ZBTB49: variants seen among roughly 807,000 people sequenced by gnomAD.
ZBTB49 encodes the protein zinc finger and BTB domain containing 49.
In ZBTB49, 43 loss-of-function variants were observed where a neutral mutation model predicts 57.5. That is an observed-to-expected ratio of 0.75 (90% CI 0.59 to 0.97). The LOEUF is 0.97. ZBTB49 is among the 50% of genes least tolerant of loss of function. The pLI, the probability that ZBTB49 is intolerant of heterozygous loss-of-function variation, is 0.00. For missense variants in ZBTB49, 938 were observed against 947.7 expected (o/e 0.99, Z 0.13); for synonymous variants, 369 against 362.1 (o/e 1.02, Z -0.22).
intron 7 of ZBTB49, 42 bp from the exon 8 acceptor site, chr4:4,320,598 G>C (rs767313199): frequency 1.2e-6 from 2 of 1,609,676 alleles, no homozygotes; most frequent in Admixed American, 3.4e-5. Flanking sequence ...CACATAGTGA[G>C]ACCCTGTTTA....
At chr4:4,303,760 C>CTCTCTCTCTCTCTCTCTCTGTGTGTG (rs1223289249) in intron 3 of ZBTB49, among the ~76,000 whole-genome samples, 33 of 121,410 alleles carry the variant, frequency 2.7e-4, no homozygotes, top group African/African-American at 1.0e-3. Context: ...CTCTCTCTCT[C>CTCTCTCTCTCTCTCTCTCTGTGTGTG]TGTGTGTGTG....
chr4:4,318,389 G>T (rs1173439448), intron 7 of ZBTB49, among the ~76,000 whole-genome samples: 8 of 152,218 alleles, frequency 5.3e-5, no homozygotes, highest in Non-Finnish European at 1.2e-4. Flanking sequence ...GCCGAGGCAG[G>T]TGGATCACTT....
At chr4:4,297,934 A>C (rs1397534043) in intron 1 of ZBTB49, among the ~76,000 whole-genome samples, 1 of 152,234 alleles carries the variant, frequency 6.6e-6, no homozygotes, top group Non-Finnish European at 1.5e-5. Context: ...GCCTGCTCAG[A>C]ATCACCGGAA....
intron 1 of ZBTB49, among the ~76,000 whole-genome samples, chr4:4,291,916 G>A (rs1295027194): frequency 6.6e-6 from 1 of 152,044 alleles, no homozygotes; most frequent in Non-Finnish European, 1.5e-5. Context: ...AGCTCCTGAG[G>A]TCAAGAGATA....
chr4:4,294,914 T>TGTGC (rs1373197134), intron 1 of ZBTB49, among the ~76,000 whole-genome samples: 44 of 147,280 alleles, frequency 3.0e-4, no homozygotes, highest in Non-Finnish European at 6.1e-4. Flanking sequence ...TGTGTGTGTG[T>TGTGC]GTTTAATGTC....
chr4:4,320,449 G>T (rs1721359575), intron 7 of ZBTB49, among the ~76,000 whole-genome samples, 191 bp from the exon 8 acceptor site: 1 of 152,134 alleles, frequency 6.6e-6, no homozygotes, highest in Admixed American at 6.5e-5. Flanking sequence ...TCCAGCCTGG[G>T]CATCATAGCA....
chr4:4,306,005 A>G, intron 3 of ZBTB49, 133 bp from the exon 4 acceptor site: 1 of 650,562 alleles, frequency 1.5e-6, no homozygotes, highest in Admixed American at 3.0e-5. Context: ...GGAAGTAGAC[A>G]CTCCCTATTT....
At chr4:4,295,265 A>G (rs938223329) in intron 1 of ZBTB49, among the ~76,000 whole-genome samples, 4 of 152,190 alleles carry the variant, frequency 2.6e-5, no homozygotes, top group Non-Finnish European at 5.9e-5. Context: ...AGGGGAAGCA[A>G]GGCACATCTT....
At chr4:4,309,488 A>G (rs927883546) in intron 4 of ZBTB49, among the ~76,000 whole-genome samples, 9 of 152,254 alleles carry the variant, frequency 5.9e-5, no homozygotes, top group Non-Finnish European at 1.2e-4. Context: ...GAAACGGGAA[A>G]GAAAATGCGG....
intron 1 of ZBTB49, among the ~76,000 whole-genome samples, chr4:4,297,455 A>G (rs2108870786): frequency 6.6e-6 from 1 of 152,204 alleles, no homozygotes; most frequent in Non-Finnish European, 1.5e-5. Context: ...GACACTGGGA[A>G]GATCACAGAG....
At chr4:4,294,700 C>T in intron 1 of ZBTB49, among the ~76,000 whole-genome samples, 1 of 152,092 alleles carries the variant, frequency 6.6e-6, no homozygotes, top group East Asian at 1.9e-4. Flanking sequence ...TTAATAACTG[C>T]CTAGCATCAT....
chr4:4,308,217 A>G (rs1720824461), intron 4 of ZBTB49, among the ~76,000 whole-genome samples: 2 of 152,180 alleles, frequency 1.3e-5, no homozygotes, highest in East Asian at 1.9e-4. Flanking sequence ...AGCTGGGACT[A>G]CAGGTGCGTT....
rs138892927 is a variant in ZBTB49, at chr4:4,302,015, A to G, written c.179A>G (p.Gln60Arg). Residue 60 changes from glutamine to arginine, a missense_variant, in exon 3 of 8, where the codon CAG becomes CGG. Coordinates refer to ENST00000337872, the MANE Select transcript of ZBTB49 (RefSeq NM_145291.4). ...FRSLFQNSSS[Q>R]KNDVFHLDVK... ...AGCCTCTTTCAGAATTCTTCAAGCCAGAAGAATGATGTTTTTCACTTGGAT... is the reference window on the plus strand; with the variant it reads ...AGCCTCTTTCAGAATTCTTCAAGCCGGAAGAATGATGTTTTTCACTTGGAT... 19 of 1,574,770 alleles carry G rather than the reference A, an allele frequency of 1.2e-5. No individual in the cohort carries two copies. The African/African-American group carries it at 2.4e-4, about 20-fold the overall frequency.
At position 4,321,199 on chromosome 4, in the gene ZBTB49, G is replaced by C; in HGVS notation, c.2181G>C (p.Leu727=). Residue 727 remains leucine (L), a synonymous_variant, in exon 8 of 8, where the codon CTG becomes CTC. Transcript: ENST00000337872. ...TGGACAACCACGGCGGTGACCCCCT[G>C]GGCAGTCGAGCATCTTCCACCACTT... The part of the protein sequence containing the change: ...AALDNHGGDP[L]GSRASSTTYR... 7 of 1,614,138 alleles carry C rather than the reference G, an allele frequency of 4.3e-6. No individual in the cohort carries two copies. Among genetic ancestry groups the C allele is most frequent in the Non-Finnish European group, 5.9e-6 (7 of 1,180,022 alleles).
At chr4:4,298,391 G>A (rs1416498225) in intron 1 of ZBTB49, among the ~76,000 whole-genome samples, 1 of 152,116 alleles carries the variant, frequency 6.6e-6, no homozygotes, top group African/African-American at 2.4e-5. Context: ...GGCAAAAAAA[G>A]CAGATGATGC....
chr4:4,321,268 G>T lies in ZBTB49; in HGVS notation c.2250G>T (p.Trp750Cys), dbSNP rs1342980929. 1 of 1,613,826 alleles carries T rather than the reference G, an allele frequency of 6.2e-7. No homozygotes were observed. The highest frequency in any genetic ancestry group is 1.7e-5 in the Admixed American group (1 of 60,022). Residue 750 changes from tryptophan (W) to cysteine (C), a missense_variant, in exon 8 of 8, where the codon TGG becomes TGT. This residue lies in a region of ZBTB49 where 835 missense variants were observed against 819.1 expected (regional missense o/e 1.02). Coordinates refer to ENST00000337872, the MANE Select transcript of ZBTB49 (RefSeq NM_145291.4). ...EGQFFSSMTLWGLAMKTLQNE... is the reference protein window; with the variant it reads ...EGQFFSSMTLCGLAMKTLQNE... ...AGTTTTTCTCCAGCATGACTCTCTGGGGGCTAGCGATGAAGACGCTGCAGA... is the reference window on the plus strand; with the variant it reads ...AGTTTTTCTCCAGCATGACTCTCTGTGGGCTAGCGATGAAGACGCTGCAGA...
intron 7 of ZBTB49, among the ~76,000 whole-genome samples, chr4:4,318,419 C>T (rs1721274499): frequency 6.6e-6 from 1 of 152,136 alleles, no homozygotes; most frequent in Non-Finnish European, 1.5e-5. Flanking sequence ...AGTTTGAGAC[C>T]AGCCTGGCCG....
Position 4,300,117 on chromosome 4 carries a change from T to C in ZBTB49, c.152+20T>C. The C allele has an allele frequency of 6.2e-7, 1 of 1,613,188 alleles. No individual in the cohort carries two copies. Among genetic ancestry groups the C allele is most frequent in the South Asian group, 1.1e-5 (1 of 91,044 alleles). The stretch of plus-strand genomic sequence containing the variant: ...TTTTAGGTGGGTATTTTAGACTTCA[T>C]TCTCCTAGCTGTGAATTAAGGGTAA... On this transcript the variant is annotated intron_variant, in intron 2 of 7. Coordinates refer to ENST00000337872, the MANE Select transcript of ZBTB49 (RefSeq NM_145291.4).
intron 1 of ZBTB49, among the ~76,000 whole-genome samples, chr4:4,296,297 GAT>G (rs34391432): frequency 0.069 from 10,441 of 152,178 alleles, 916 homozygotes; most frequent in East Asian, 0.32. Context: ...GTTGCAAGGT[GAT>G]ATATGGTTTG....
Sources: allele counts gnomAD v4.1 joint callset (sites outside exome capture counted in the v4.1 genomes callset), GRCh38; gene constraint gnomAD v4.1.1; regional missense constraint gnomAD v4.1.1; transcripts MANE v1.5; gene names NCBI Gene and HGNC (gene_info 2026-07-23, HGNC 2026-07-21).